Variants in NID2 observed in about 807,000 individuals in gnomAD.
The protein encoded by NID2 is nidogen 2, also known as nidogen-2.
In NID2, 83 loss-of-function variants were observed where a neutral mutation model predicts 145.4. The observed-to-expected ratio is 0.57, with a 90% CI of 0.48 to 0.69. The LOEUF is 0.69. NID2 is among the 30% of genes least tolerant of loss of function. The pLI is 0.00. For missense variants in NID2, 1,807 were observed against 1,765.7 expected, an observed-to-expected ratio of 1.02 and a Z score of -0.42; for synonymous variants, 739 against 701.3, an observed-to-expected ratio of 1.05 and a Z score of -0.85.
At chr14:52,007,333 T>C (rs1291101568) in intron 19 of NID2, 2 of 174,414 alleles carry the variant, frequency 1.1e-5, no homozygotes, top group African/African-American at 2.4e-5. Flanking sequence ...AGTATAGAAC[T>C]AGACACACAG....
Position 52,068,251 on chromosome 14 carries a change from G to A in NID2, c.229-88C>T, listed in dbSNP as rs914100114. 42 of 1,314,908 alleles carry A rather than the reference G, an allele frequency of 3.2e-5. No individual in the cohort carries two copies. In the African/African-American group the frequency reaches 3.8e-4, roughly 12 times the overall value. The allele number at this position is 1,314,908 out of a possible 1,614,324, so 81.5% of individuals were successfully genotyped here. ...GCAGGGAGGGAAGGGAACTGACTTA[G>A]GCAAAAAGCCTCTCTCTCCTTCCCC... On this transcript the variant is annotated intron_variant, in intron 1 of 21. Transcript: ENST00000216286.
chr14:52,043,016 G>A lies in NID2; in HGVS notation c.1430-85C>T, dbSNP rs1225822574. On this transcript the variant is annotated intron_variant, in intron 5 of 21. Transcript: ENST00000216286. ...TCGGGGACACAACATCTGCTCCATA[G>A]AAGCAGTTTAGATCATAACAAACAG... The A allele has an allele frequency of 8.9e-6, 12 of 1,341,722 alleles. No individual in the cohort carries two copies. The African/African-American group carries it at 1.4e-4, about 16-fold the overall frequency. 83.1% of individuals were successfully genotyped at this position (1,341,722 alleles called of 1,614,324 possible).
chr14:52,017,856 G>A (rs1891270174), intron 14 of NID2, among the ~76,000 whole-genome samples: 1 of 151,894 alleles, frequency 6.6e-6, no homozygotes, highest in African/African-American at 2.4e-5. Context: ...GTCTCACTCT[G>A]TTGCCAGGCT....
intron 13 of NID2, 143 bp from the exon 14 acceptor site, chr14:52,019,437 T>C (rs746566269): frequency 1.9e-5 from 12 of 623,684 alleles, no homozygotes; most frequent in Non-Finnish European, 3.2e-5. Flanking sequence ...CTTGCCACTA[T>C]TTACCTCATT....
chr14:52,018,340 G>A (rs1273437325), intron 14 of NID2, among the ~76,000 whole-genome samples: 1 of 152,170 alleles, frequency 6.6e-6, no homozygotes, highest in African/African-American at 2.4e-5. Flanking sequence ...AAAGAAACAA[G>A]TTTTACCTAT....
intron 12 of NID2, among the ~76,000 whole-genome samples, chr14:52,025,404 C>T (rs1403556737): frequency 7.2e-5 from 11 of 152,148 alleles, no homozygotes; most frequent in Admixed American, 7.2e-4. Flanking sequence ...GGTGTTTATT[C>T]AAGAGGTCCA....
intron 12 of NID2, among the ~76,000 whole-genome samples, chr14:52,022,537 G>A (rs1045934206): frequency 4.6e-5 from 7 of 152,070 alleles, no homozygotes; most frequent in African/African-American, 1.7e-4. Context: ...GGAGAAGGAG[G>A]CCACTGCTTA....
intron 12 of NID2, among the ~76,000 whole-genome samples, chr14:52,026,805 A>C (rs1891601554): frequency 6.6e-6 from 1 of 152,234 alleles, no homozygotes; most frequent in Non-Finnish European, 1.5e-5. Context: ...TAGAAATTAC[A>C]TATGTGTTTA....
At chr14:52,039,027 T>G (rs747861051) in intron 8 of NID2, 50 bp from the exon 9 acceptor site, 1 of 1,318,528 alleles carries the variant, frequency 7.6e-7, no homozygotes, top group South Asian at 1.4e-5. Flanking sequence ...TACAGAGATT[T>G]TCATGTGAGG....
intron 14 of NID2, among the ~76,000 whole-genome samples, chr14:52,015,536 A>G (rs1331637645): frequency 6.6e-6 from 1 of 152,218 alleles, no homozygotes; most frequent in Non-Finnish European, 1.5e-5. Context: ...ACATCAAGAA[A>G]GAACAAGAGG....
intron 14 of NID2, among the ~76,000 whole-genome samples, chr14:52,018,643 C>T (rs1566747021): frequency 1.3e-5 from 2 of 152,208 alleles, no homozygotes; most frequent in Non-Finnish European, 2.9e-5. Context: ...CATACTGTTT[C>T]CTGCCATTCA....
rs999997414 is a variant in NID2, at chr14:52,067,979, C to T, written c.413G>A (p.Arg138His). The T allele has an allele frequency of 8.1e-6, 13 of 1,610,796 alleles. No individual in the cohort carries two copies. In the African/African-American group the frequency reaches 1.6e-4, roughly 20 times the overall value. The change falls in exon 2 of 22, where the codon CGC (arginine) becomes CAC (histidine). Residue 138 changes from arginine to histidine, a missense_variant. Arg to His is a conservative substitution (Grantham distance 29). Coordinates refer to ENST00000216286, the MANE Select transcript of NID2 (RefSeq NM_007361.4). ...GCGCGGGAAGCCAGCGCGCACATAG[C>T]GGGCGGCCAGGCCCAGCACTGCGGG... is the stretch of plus-strand genomic sequence containing the variant. ...TSPAVLGLAA[R>H]YVRAGFPRSA... is the part of the protein sequence containing the mutation.
chr14:52,014,184 G>C (rs748201188), intron 16 of NID2, 103 bp downstream of exon 16: 219 of 1,473,702 alleles, frequency 1.5e-4, no homozygotes, highest in Non-Finnish European at 2.0e-4. Context: ...AAACCCTCCA[G>C]GACTTCCCTG....
Position 52,005,358 on chromosome 14 carries a change from G to A in NID2, c.*128C>T. On this transcript the variant is annotated 3_prime_UTR_variant, in exon 22 of 22. Coordinates refer to ENST00000216286, the MANE Select transcript of NID2 (RefSeq NM_007361.4). ...CAAAAGTCTTTTTGCACTACAAAAT[G>A]TTCATCTTGGATGCTCAGGAACGTC... 1 of 821,044 alleles carries A rather than the reference G, an allele frequency of 1.2e-6. No homozygotes were observed. Among genetic ancestry groups the A allele is most frequent in the African/African-American group, 1.7e-5 (1 of 58,158 alleles). 50.9% of individuals were successfully genotyped at this position (821,044 alleles called of 1,614,324 possible).
intron 6 of NID2, 143 bp from the exon 7 acceptor site, chr14:52,042,493 A>G: frequency 1.8e-6 from 2 of 1,113,766 alleles, no homozygotes; most frequent in East Asian, 4.9e-5. Context: ...CCAATTATCC[A>G]TCTATGAAAC....
In NID2 at chr14:52,028,820, C is replaced by T. The variant is rs565879359; in HGVS notation, c.2432G>A (p.Arg811His). ...GATACATACAGAGTTGGGGCCACAG[C>T]GATGAAAGCCAGTTGCACATTCATT... is the stretch of plus-strand genomic sequence containing the variant. The part of the protein sequence containing the change: ...DENECATGFH[R>H]CGPNSVCINL... Residue 811 changes from arginine to histidine, a missense_variant, in exon 11 of 22, where the codon CGC becomes CAC. Arg to His is a conservative substitution (Grantham distance 29). Transcript: ENST00000216286. The T allele has an allele frequency of 1.2e-5, 20 of 1,613,464 alleles. No individual in the cohort carries two copies. The highest frequency in any genetic ancestry group is 3.3e-4 in the Middle Eastern group (2 of 6,060).
chr14:52,027,430 C>T, intron 11 of NID2, 86 bp from the exon 12 acceptor site: 5 of 1,206,164 alleles, frequency 4.1e-6, no homozygotes, highest in Non-Finnish European at 5.5e-6. Context: ...CACAGACCAA[C>T]AGCAACAGAC....
At chr14:52,028,530 C>G (rs768923452) in intron 11 of NID2, 192 bp downstream of exon 11, 45 of 503,686 alleles carry the variant, frequency 8.9e-5, no homozygotes, top group Non-Finnish European at 1.4e-4. Context: ...CCTGCCTCAG[C>G]CTTCCAAAGC....
intron 2 of NID2, among the ~76,000 whole-genome samples, 194 bp downstream of exon 2, chr14:52,067,664 G>C (rs543709178): frequency 6.6e-6 from 1 of 152,276 alleles, no homozygotes; most frequent in Admixed American, 6.5e-5. Context: ...GTGACCACCT[G>C]CCAGGGCCTC....
Sources: gnomAD v4.1 joint callset for allele counts (sites outside exome capture counted in the v4.1 genomes callset) on GRCh38, gnomAD v4.1.1 for gene constraint, MANE v1.5 for transcripts, NCBI Gene and HGNC (gene_info 2026-07-23, HGNC 2026-07-21) for gene names.